The following SUMF1 variants were observed in gnomAD, a reference collection of about 807,000 sequenced individuals.
SUMF1 encodes formylglycine-generating enzyme.
SUMF1 carries 48 observed loss-of-function variants against 47.6 expected under a neutral mutation model. The observed-to-expected ratio is 1.01, with a 90% CI of 0.80 to 1.28. SUMF1 has a LOEUF of 1.28. Among genes scored for constraint, SUMF1 ranks in the 50% most tolerant of loss-of-function variants. SUMF1 has a pLI of 0.00. For missense variants in SUMF1, 571 were observed against 485.4 expected, an observed-to-expected ratio of 1.18 and a Z score of -1.66; for synonymous variants, 230 against 192.1, an observed-to-expected ratio of 1.20 and a Z score of -1.63.
intron 1 of SUMF1, among the ~76,000 whole-genome samples, chr3:4,456,377 A>G (rs1462458982): frequency 6.6e-6 from 1 of 152,006 alleles, no homozygotes; most frequent in Non-Finnish European, 1.5e-5. Flanking sequence ...ATTAGGCAAG[A>G]GAAAGAAAGA....
chr3:4,403,431 T>C (rs757971783), intron 7 of SUMF1, among the ~76,000 whole-genome samples: 1 of 152,108 alleles, frequency 6.6e-6, no homozygotes, highest in Non-Finnish European at 1.5e-5. Context: ...AAAAAGGACA[T>C]TTTCCCCCAA....
chr3:4,143,936 A>C (rs2125098964), intron 8 of SUMF1, among the ~76,000 whole-genome samples: 1 of 151,702 alleles, frequency 6.6e-6, no homozygotes, highest in East Asian at 1.9e-4. Flanking sequence ...AAGTTAGAGA[A>C]GCACTGCAGC....
intron 9 of SUMF1, among the ~76,000 whole-genome samples, chr3:4,067,187 T>G (rs1245670643): frequency 6.6e-6 from 1 of 152,104 alleles, no homozygotes; most frequent in Non-Finnish European, 1.5e-5. Context: ...GGCATTAGCA[T>G]CTCCAGAACA....
chr3:4,215,441 C>T (rs1287767185), intron 8 of SUMF1, among the ~76,000 whole-genome samples: 1 of 152,154 alleles, frequency 6.6e-6, no homozygotes, highest in Non-Finnish European at 1.5e-5. Flanking sequence ...CAATATCATA[C>T]TGAATGGGCA....
At chr3:4,072,291 A>C (rs1449205629) in intron 8 of SUMF1, among the ~76,000 whole-genome samples, 2 of 152,194 alleles carry the variant, frequency 1.3e-5, no homozygotes, top group Non-Finnish European at 2.9e-5. Flanking sequence ...ATCAACATCA[A>C]CAAAAAGGAC....
intron 8 of SUMF1, among the ~76,000 whole-genome samples, chr3:4,302,702 C>A (rs148046000): frequency 3.4e-4 from 51 of 152,130 alleles, no homozygotes; most frequent in Non-Finnish European, 6.2e-4. Flanking sequence ...TTTACAGTTT[C>A]AAGGAGAAGC....
chr3:4,348,489 A>G (rs1263660492), intron 8 of SUMF1, among the ~76,000 whole-genome samples: 1 of 152,160 alleles, frequency 6.6e-6, no homozygotes, highest in Non-Finnish European at 1.5e-5. Context: ...AGAAAACTGA[A>G]AGTGGACCCC....
intron 8 of SUMF1, among the ~76,000 whole-genome samples, chr3:4,150,177 T>C (rs1694285126): frequency 6.6e-6 from 1 of 151,990 alleles, no homozygotes; most frequent in Non-Finnish European, 1.5e-5. Context: ...CACTGCAGCC[T>C]TGATCTCCTG....
intron 8 of SUMF1, among the ~76,000 whole-genome samples, chr3:4,227,493 T>C (rs1489343981): frequency 6.6e-6 from 1 of 152,124 alleles, no homozygotes; most frequent in Non-Finnish European, 1.5e-5. Context: ...CATTCTTCCC[T>C]GTTCCTCCCC....
At chr3:4,111,546 C>T (rs910888367) in intron 8 of SUMF1, among the ~76,000 whole-genome samples, 10 of 151,820 alleles carry the variant, frequency 6.6e-5, no homozygotes, top group Admixed American at 5.9e-4. Context: ...GGTGAAACCC[C>T]GTCTCTACTA....
At position 4,449,489 on chromosome 3, in the gene SUMF1, C is replaced by T. The variant is rs1559307531; in HGVS notation, c.445-149G>A. The T allele has an allele frequency of 8.5e-6, 7 of 819,196 alleles. No individual in the cohort carries two copies. In the East Asian group the frequency reaches 1.6e-4, roughly 18 times the overall value. 50.7% of individuals were successfully genotyped at this position (819,196 alleles called of 1,614,324 possible). A position where few individuals can be genotyped will look rare whatever the true frequency, so the allele number is the denominator to read the frequency against. On this transcript the variant is annotated intron_variant, in intron 2 of 8. Coordinates refer to ENST00000272902, the MANE Select transcript of SUMF1 (RefSeq NM_182760.4). ...GACTTCCCAGAGGACTCAGAAATGA[C>T]CTAAAAGTCTCTGGCTTCCTCTTAA...
intron 8 of SUMF1, among the ~76,000 whole-genome samples, chr3:4,265,221 G>C (rs766019871): frequency 6.6e-6 from 1 of 150,642 alleles, no homozygotes; most frequent in Non-Finnish European, 1.5e-5. Context: ...CCCTGGTTGT[G>C]TGAATATTTT....
chr3:4,258,046 A>C (rs1696995513), intron 8 of SUMF1, among the ~76,000 whole-genome samples: 2 of 151,714 alleles, frequency 1.3e-5, no homozygotes, highest in Non-Finnish European at 2.9e-5. Context: ...TGCTGGGAAA[A>C]CTGGCTAGCC....
At chr3:4,041,707 A>G (rs918632573) in intron 9 of SUMF1, among the ~76,000 whole-genome samples, 4 of 152,214 alleles carry the variant, frequency 2.6e-5, no homozygotes, top group African/African-American at 9.7e-5. Flanking sequence ...AATAAAAAAT[A>G]ACACATCTTG....
At chr3:4,224,432 T>A (rs146239417) in intron 8 of SUMF1, among the ~76,000 whole-genome samples, 2,046 of 152,024 alleles carry the variant, frequency 0.013, 24 homozygotes, top group South Asian at 0.039. Context: ...ATTTTCCCCA[T>A]CTCTTATTTT....
chr3:4,321,488 A>AAAAAAG (rs1345480365), intron 8 of SUMF1, among the ~76,000 whole-genome samples: 4 of 148,046 alleles, frequency 2.7e-5, no homozygotes, highest in Non-Finnish European at 4.5e-5. Flanking sequence ...AAAAAAAAAA[A>AAAAAAG]AAAAAGAAAA....
intron 8 of SUMF1, among the ~76,000 whole-genome samples, chr3:4,213,949 A>G (rs1332864388): frequency 6.6e-6 from 1 of 152,172 alleles, no homozygotes; most frequent in Non-Finnish European, 1.5e-5. Flanking sequence ...AGACTTCCAC[A>G]CGATAATGAT....
intron 8 of SUMF1, among the ~76,000 whole-genome samples, chr3:4,264,683 C>T (rs138246827): frequency 6.6e-6 from 1 of 152,144 alleles, no homozygotes; most frequent in African/African-American, 2.4e-5. Flanking sequence ...GGTACTTTCA[C>T]ATCAGAAAGT....
intron 8 of SUMF1, among the ~76,000 whole-genome samples, chr3:4,194,657 T>C (rs904106638): frequency 6.6e-6 from 1 of 152,200 alleles, no homozygotes; most frequent in Admixed American, 6.5e-5. Context: ...AAAATGCTTA[T>C]AATTGCTTGG....
Sources: allele counts gnomAD v4.1 joint callset (sites outside exome capture counted in the v4.1 genomes callset), GRCh38; gene constraint gnomAD v4.1.1; transcripts MANE v1.5; gene names NCBI Gene and HGNC (gene_info 2026-07-23, HGNC 2026-07-21).